The following MYOM1 variants were observed in gnomAD, a reference collection of about 807,000 sequenced individuals.
MYOM1 encodes myomesin 1.
Under a neutral mutation model 205.3 loss-of-function variants are expected in MYOM1, and 164 were observed. The observed-to-expected ratio is 0.80, with a 90% CI of 0.70 to 0.91. The LOEUF (loss-of-function observed/expected upper bound fraction) is 0.91, where lower values mean the gene tolerates loss of function less well. MYOM1 is among the 40% of genes least tolerant of loss of function. MYOM1 has a pLI of 0.00. For missense variants in MYOM1, 2,011 were observed against 2,127.3 expected, an observed-to-expected ratio of 0.95 and a Z score of 1.08; for synonymous variants, 772 against 789.4, an observed-to-expected ratio of 0.98 and a Z score of 0.37.
intron 20 of MYOM1, 43 bp downstream of exon 20, chr18:3,119,826 G>A (rs1379036828): frequency 6.4e-7 from 1 of 1,562,654 alleles, no homozygotes; most frequent in African/African-American, 1.4e-5. Flanking sequence ...TCTCTTGGAG[G>A]AAATTCCGAG....
intron 5 of MYOM1, among the ~76,000 whole-genome samples, chr18:3,177,247 T>A (rs938368093): frequency 2.0e-4 from 30 of 149,840 alleles, no homozygotes; most frequent in African/African-American, 7.0e-4. Context: ...TTAAAATAAA[T>A]AAAACAAACA....
chr18:3,134,180 C>G (rs1267211656), intron 16 of MYOM1, among the ~76,000 whole-genome samples: 2 of 152,128 alleles, frequency 1.3e-5, no homozygotes, highest in African/African-American at 2.4e-5. Flanking sequence ...CCACCACACC[C>G]AGCCTTGTTC....
intron 1 of MYOM1, 102 bp from the exon 2 acceptor site, chr18:3,215,353 C>T (rs1381390147): frequency 1.2e-5 from 12 of 963,792 alleles, no homozygotes; most frequent in South Asian, 1.7e-5. Flanking sequence ...TGGCTGGGTG[C>T]GGTGGTTCAT....
At chr18:3,184,979 C>G (rs922121867) in intron 5 of MYOM1, among the ~76,000 whole-genome samples, 4 of 152,246 alleles carry the variant, frequency 2.6e-5, no homozygotes, top group African/African-American at 9.6e-5. Flanking sequence ...ATCAACTCTA[C>G]TGCTTCTTAG....
At chr18:3,191,882 G>C (rs551584944) in intron 3 of MYOM1, among the ~76,000 whole-genome samples, 1 of 152,104 alleles carries the variant, frequency 6.6e-6, no homozygotes, top group South Asian at 2.1e-4. Flanking sequence ...ATTTTTAGTA[G>C]AGACCGGGTT....
chr18:3,081,395 T>A (rs2079084951), intron 33 of MYOM1, among the ~76,000 whole-genome samples: 1 of 152,158 alleles, frequency 6.6e-6, no homozygotes. Context: ...TTTTTTCCCC[T>A]CTATGCCACA....
chr18:3,221,803 C>T (rs777145119), upstream of MYOM1, among the ~76,000 whole-genome samples: 6 of 152,200 alleles, frequency 3.9e-5, no homozygotes, highest in Non-Finnish European at 8.8e-5. Flanking sequence ...CATATACATA[C>T]CTCTGCTATT....
intron 14 of MYOM1, among the ~76,000 whole-genome samples, 158 bp downstream of exon 14, chr18:3,141,781 T>G (rs1467169833): frequency 6.6e-6 from 1 of 152,200 alleles, no homozygotes; most frequent in African/African-American, 2.4e-5. Flanking sequence ...TGATATACTT[T>G]GTTCTATGGA....
intron 29 of MYOM1, among the ~76,000 whole-genome samples, 197 bp downstream of exon 29, chr18:3,088,977 C>G (rs1441063116): frequency 6.6e-6 from 1 of 152,288 alleles, no homozygotes; most frequent in Non-Finnish European, 1.5e-5. Context: ...GAATGATCAC[C>G]TTGCCTTGTC....
At chr18:3,176,172 T>G (rs1309531106) in intron 5 of MYOM1, 38 bp from the exon 6 acceptor site, 1 of 1,227,166 alleles carries the variant, frequency 8.1e-7, no homozygotes, top group Non-Finnish European at 1.2e-6. Flanking sequence ...TAAGTTGAAG[T>G]GTAAACAACT....
At chr18:3,220,987 T>C (rs2081324239), upstream of MYOM1, among the ~76,000 whole-genome samples, 1 of 152,190 alleles carries the variant, frequency 6.6e-6, no homozygotes, top group Non-Finnish European at 1.5e-5. Flanking sequence ...ACAGTGATAT[T>C]ACATCAACTG....
At chr18:3,159,556 CAT>C (rs1383311400) in intron 10 of MYOM1, among the ~76,000 whole-genome samples, 14 of 152,184 alleles carry the variant, frequency 9.2e-5, no homozygotes, top group African/African-American at 2.7e-4. Flanking sequence ...TATGAACACA[CAT>C]GTTTATAATA....
At chr18:3,180,158 T>A (rs1188331632) in intron 5 of MYOM1, among the ~76,000 whole-genome samples, 1 of 152,108 alleles carries the variant, frequency 6.6e-6, no homozygotes, top group East Asian at 1.9e-4. Context: ...AAAAATAAAA[T>A]AAAAAACTAT....
chr18:3,168,679 C>T (rs1048148437), intron 9 of MYOM1, 138 bp downstream of exon 9: 2 of 745,490 alleles, frequency 2.7e-6, no homozygotes, highest in Non-Finnish European at 2.1e-6. Context: ...TACTTTGCTA[C>T]ACATGTGAAA....
intron 1 of MYOM1, among the ~76,000 whole-genome samples, chr18:3,216,147 A>T (rs1009389753): frequency 1.3e-5 from 2 of 152,222 alleles, no homozygotes; most frequent in Admixed American, 1.3e-4. Flanking sequence ...GGGCACCTGT[A>T]GTCCCAGCTA....
At chr18:3,184,485 G>A (rs1449803469) in intron 5 of MYOM1, among the ~76,000 whole-genome samples, 1 of 152,188 alleles carries the variant, frequency 6.6e-6, no homozygotes, top group Non-Finnish European at 1.5e-5. Context: ...CTAACTGATT[G>A]TCCAAGTTTC....
chr18:3,191,981 C>T lies in MYOM1; in HGVS notation c.431+1837G>A, dbSNP rs191366224. On this transcript the variant is annotated intron_variant, in intron 3 of 37. Coordinates refer to ENST00000356443, the MANE Select transcript of MYOM1 (RefSeq NM_003803.4). ...AAAGTGCTGGAATTACAGGCATGAG[C>T]CACCGTGCCTGGCCTCACGTCTTCT... Among the ~76,000 whole-genome samples, 811 of 152,268 alleles carry T rather than the reference C, an allele frequency of 5.3e-3. 8 individuals are homozygous for T. The highest frequency in any genetic ancestry group is 0.018 in the African/African-American group (752 of 41,544).
intron 3 of MYOM1, among the ~76,000 whole-genome samples, chr18:3,193,355 T>TACACACAC (rs568716182): frequency 0.036 from 3,573 of 99,342 alleles, 130 homozygotes; most frequent in African/African-American, 0.11. Context: ...TACATATATA[T>TACACACAC]ATATATACAC....
In MYOM1 at chr18:3,071,019, A is replaced by G. The variant is rs569792985; in HGVS notation, c.4764+815T>C. ...AGTGATCTGCGTGCCTTGGCCTCCCAAAGTGTTGAGATTACAGGCGTGAGC... is the reference window on the plus strand; with the variant it reads ...AGTGATCTGCGTGCCTTGGCCTCCCGAAGTGTTGAGATTACAGGCGTGAGC... On this transcript the variant is annotated intron_variant, in intron 37 of 37. Transcript: ENST00000356443. Among the ~76,000 whole-genome samples, 215 of 152,190 alleles carry G rather than the reference A, an allele frequency of 1.4e-3. 2 individuals are homozygous for G. The highest frequency in any genetic ancestry group is 4.7e-3 in the African/African-American group (196 of 41,544).
Sources: allele counts gnomAD v4.1 joint callset (sites outside exome capture counted in the v4.1 genomes callset), GRCh38; gene constraint gnomAD v4.1.1; transcripts MANE v1.5; gene names NCBI Gene and HGNC (gene_info 2026-07-23, HGNC 2026-07-21).